NRG1: variants seen among roughly 807,000 people sequenced by gnomAD.
The protein encoded by NRG1 is pro-neuregulin-1, membrane-bound isoform.
NRG1 carries 18 observed loss-of-function variants against 63.8 expected under a neutral mutation model. The observed-to-expected ratio is 0.28, with a 90% CI of 0.19 to 0.42. The LOEUF (loss-of-function observed/expected upper bound fraction) is 0.42, where lower values mean the gene tolerates loss of function less well. Among genes scored for constraint, NRG1 ranks in the 10% least tolerant of loss-of-function variants. NRG1 has a pLI of 1.00. For missense variants in NRG1, 762 were observed against 814.7 expected, an observed-to-expected ratio of 0.94 and a Z score of 0.79; for synonymous variants, 302 against 301.3, an observed-to-expected ratio of 1.00 and a Z score of -0.02.
chr8:32,537,068 A>G (rs1201815158), intron 1 of NRG1, among the ~76,000 whole-genome samples: 2 of 149,316 alleles, frequency 1.3e-5, no homozygotes, highest in Non-Finnish European at 3.0e-5. Context: ...GGCCGGGTGT[A>G]GTGGCGCATG....
chr8:31,810,793 G>T (rs1822807242), intron 1 of NRG1, among the ~76,000 whole-genome samples: 1 of 152,204 alleles, frequency 6.6e-6, no homozygotes, highest in South Asian at 2.1e-4. Flanking sequence ...ACCAGGGTAT[G>T]GGACTGATGA....
rs531879181 is a variant in NRG1 at position 32,439,277 on chromosome 8, C to T, written c.38-156551C>T. On this transcript the variant is annotated intron_variant, in intron 1 of 10. Coordinates refer to the NRG1 transcript ENST00000519301. ...ACTTCAAATAAACATTTGTTAAAAACGTACTCTGTACTGAGGAATGAGGAT... is the reference window on the plus strand; with the variant it reads ...ACTTCAAATAAACATTTGTTAAAAATGTACTCTGTACTGAGGAATGAGGAT... Among the ~76,000 whole-genome samples the T allele has an allele frequency of 3.3e-5, 5 of 152,256 alleles. No homozygotes were observed. The South Asian group carries it at 6.2e-4, about 19-fold the overall frequency.
chr8:31,894,546 C>T (rs1482831260), intron 1 of NRG1, among the ~76,000 whole-genome samples: 3 of 98,072 alleles, frequency 3.1e-5, no homozygotes, highest in African/African-American at 6.6e-5. Flanking sequence ...CTATTTCTTT[C>T]TTTTTTCTTT....
At chr8:32,336,216 T>C (rs550450907) in intron 1 of NRG1, among the ~76,000 whole-genome samples, 466 of 152,316 alleles carry the variant, frequency 3.1e-3, no homozygotes, top group Middle Eastern at 6.8e-3. Context: ...AACTTCCTTT[T>C]TGTAAATTTG....
intron 1 of NRG1, among the ~76,000 whole-genome samples, chr8:31,730,205 T>C (rs1813883269): frequency 6.6e-6 from 1 of 152,206 alleles, no homozygotes; most frequent in Non-Finnish European, 1.5e-5. Context: ...TAATTATTTC[T>C]GTAACCAAGA....
At chr8:31,714,213 C>G (rs1395403517) in intron 1 of NRG1, among the ~76,000 whole-genome samples, 1 of 133,136 alleles carries the variant, frequency 7.5e-6, no homozygotes, top group South Asian at 2.1e-4. Flanking sequence ...TCATTTTTTT[C>G]TTTTCTTTGT....
chr8:32,569,785 TA>T (rs1838159466), intron 1 of NRG1, among the ~76,000 whole-genome samples: 1 of 152,070 alleles, frequency 6.6e-6, no homozygotes, highest in South Asian at 2.1e-4. Flanking sequence ...CATACACAAG[TA>T]AAACATTTAC....
chr8:31,852,922 G>C (rs1222354213), intron 1 of NRG1, among the ~76,000 whole-genome samples: 1 of 152,000 alleles, frequency 6.6e-6, no homozygotes, highest in Non-Finnish European at 1.5e-5. Flanking sequence ...GATAGTTGTA[G>C]ATATGTGGCG....
intron 1 of NRG1, among the ~76,000 whole-genome samples, chr8:31,797,443 C>G (rs1821334437): frequency 6.6e-6 from 1 of 152,130 alleles, no homozygotes; most frequent in African/African-American, 2.4e-5. Context: ...TATCCAGCCC[C>G]AAAGTTTAAG....
At chr8:31,915,647 C>A (rs1010308913) in intron 1 of NRG1, among the ~76,000 whole-genome samples, 1 of 152,086 alleles carries the variant, frequency 6.6e-6, no homozygotes, top group Non-Finnish European at 1.5e-5. Flanking sequence ...ACACAGAATT[C>A]ATCTCTATAA....
At chr8:32,398,273 T>C (rs1812699221) in intron 1 of NRG1, among the ~76,000 whole-genome samples, 1 of 152,120 alleles carries the variant, frequency 6.6e-6, no homozygotes, top group Admixed American at 6.5e-5. Flanking sequence ...CTTCCACGGC[T>C]CATAGCTTAC....
At chr8:31,686,393 T>C (rs1482748374) in intron 1 of NRG1, among the ~76,000 whole-genome samples, 3 of 152,186 alleles carry the variant, frequency 2.0e-5, no homozygotes, top group African/African-American at 7.2e-5. Flanking sequence ...GGAATCTTCT[T>C]CCTGAACTGA....
intron 5 of NRG1, among the ~76,000 whole-genome samples, chr8:32,680,855 G>A (rs7016363): frequency 0.67 from 101,121 of 151,930 alleles, 34,806 homozygotes; most frequent in African/African-American, 0.86. Context: ...AGTATATTTA[G>A]TGAATGAATG....
intron 1 of NRG1, among the ~76,000 whole-genome samples, chr8:31,925,332 AT>A (rs1346166730): frequency 3.3e-5 from 5 of 151,440 alleles, no homozygotes; most frequent in Admixed American, 3.3e-4. Context: ...TTTTATCAGT[AT>A]TTTTTTCATA....
chr8:32,409,427 G>C (rs1308601497), intron 1 of NRG1, among the ~76,000 whole-genome samples: 4 of 152,142 alleles, frequency 2.6e-5, no homozygotes, highest in Admixed American at 2.0e-4. Flanking sequence ...TAAACTAAAA[G>C]GCTTTGGCAC....
At chr8:32,548,073 C>T (rs1489792014), upstream of NRG1, 15 of 362,770 alleles carry the variant, frequency 4.1e-5, no homozygotes, top group Non-Finnish European at 5.4e-5. Context: ...CGGGGGTTCC[C>T]GGCAGCCGCG....
chr8:32,062,570 G>A (rs1372992503), intron 1 of NRG1, among the ~76,000 whole-genome samples: 1 of 151,976 alleles, frequency 6.6e-6, no homozygotes, highest in African/African-American at 2.4e-5. Flanking sequence ...GTCACATAGA[G>A]AGGAGTGCCT....
At chr8:31,937,494 T>C (rs1801079819) in intron 1 of NRG1, among the ~76,000 whole-genome samples, 1 of 152,122 alleles carries the variant, frequency 6.6e-6, no homozygotes, top group South Asian at 2.1e-4. Context: ...TATTTGAATT[T>C]AAAAAATGGG....
chr8:32,664,399 A>G (rs1456571962), intron 5 of NRG1, among the ~76,000 whole-genome samples: 5 of 152,078 alleles, frequency 3.3e-5, no homozygotes, highest in Non-Finnish European at 7.4e-5. Context: ...AGAGTAACAT[A>G]TGATTCTGAT....
Sources: gnomAD v4.1 joint callset for allele counts (sites outside exome capture counted in the v4.1 genomes callset) on GRCh38, gnomAD v4.1.1 for gene constraint, MANE v1.5 for transcripts, NCBI Gene and HGNC (gene_info 2026-07-23, HGNC 2026-07-21) for gene names.